Variants in PCBP3 observed in about 807,000 individuals in gnomAD.
PCBP3 encodes the protein poly(rC) binding protein 3.
In PCBP3, 25 loss-of-function variants were observed where a neutral mutation model predicts 52.7. The observed-to-expected ratio is 0.47, with a 90% CI of 0.35 to 0.66. PCBP3 has a LOEUF of 0.66. Ranked by LOEUF, PCBP3 falls within the 30% of genes least tolerant of loss-of-function variation. The pLI is 0.01. For missense variants in PCBP3, 391 were observed against 490.3 expected (o/e 0.80, Z 1.91); for synonymous variants, 162 against 183.0 (o/e 0.89, Z 0.93).
chr21:45,815,001 T>TGGTGAGG, intron 4 of PCBP3, among the ~76,000 whole-genome samples: 1 of 106,792 alleles, frequency 9.4e-6, no homozygotes, highest in Admixed American at 9.0e-5. Flanking sequence ...GAGTGGTGAG[T>TGGTGAGG]GAGTGGTGAG....
intron 5 of PCBP3, chr21:45,858,821 C>T (rs2094403209): frequency 6.6e-6 from 1 of 152,184 alleles, no homozygotes; most frequent in African/African-American, 2.4e-5. Context: ...GTAAGTGAAT[C>T]ATGGGGGCGG....
At chr21:45,803,014 T>C (rs2092364570) in intron 4 of PCBP3, among the ~76,000 whole-genome samples, 1 of 152,270 alleles carries the variant, frequency 6.6e-6, no homozygotes, top group South Asian at 2.1e-4. Flanking sequence ...ACAGTCATAA[T>C]TTGAAAACAA....
At chr21:45,796,968 T>G (rs1303596846) in intron 4 of PCBP3, among the ~76,000 whole-genome samples, 1 of 152,220 alleles carries the variant, frequency 6.6e-6, no homozygotes, top group African/African-American at 2.4e-5. Context: ...ATCAATGAAT[T>G]TGTAATGTGT....
At chr21:45,831,174 C>G (rs1031448895) in intron 4 of PCBP3, 1 of 152,294 alleles carries the variant, frequency 6.6e-6, no homozygotes, top group Non-Finnish European at 1.5e-5. Flanking sequence ...AGGTGTCTGT[C>G]CAGGCCATGA....
At chr21:45,705,548 C>A (rs1391735826) in intron 2 of PCBP3, among the ~76,000 whole-genome samples, 1 of 152,188 alleles carries the variant, frequency 6.6e-6, no homozygotes, top group Non-Finnish European at 1.5e-5. Context: ...CTGGCTTGAC[C>A]TGCTTAAGGC....
In PCBP3 at chr21:45,853,056, G is replaced by A. The variant is rs545653232; in HGVS notation, c.10+2961G>A. Among the ~76,000 whole-genome samples the A allele has an allele frequency of 1.3e-5, 2 of 152,332 alleles. No individual in the cohort carries two copies. Among genetic ancestry groups the A allele is most frequent in the Admixed American group, 6.5e-5 (1 of 15,308 alleles). ...ACCAGCAGGAGCGGGCAGTGGACTC[G>A]CACCAGGCATTGGGAGCAGATGCGG... On this transcript the variant is annotated intron_variant, in intron 5 of 17. Coordinates refer to ENST00000681687, the MANE Select transcript of PCBP3 (RefSeq NM_001384156.1). This position sits in a 1 kb window ranked among gnomAD's most constrained non-coding sequence, Gnocchi z 4.6.
intron 2 of PCBP3, among the ~76,000 whole-genome samples, chr21:45,713,192 T>C (rs1459125772): frequency 6.6e-6 from 1 of 152,220 alleles, no homozygotes; most frequent in Non-Finnish European, 1.5e-5. Context: ...AACATGCCAC[T>C]ACTGCTAAAA....
chr21:45,727,585 G>A (rs905831908), intron 2 of PCBP3, among the ~76,000 whole-genome samples: 3 of 152,214 alleles, frequency 2.0e-5, no homozygotes, highest in African/African-American at 7.2e-5. Context: ...TGAGGCAGGG[G>A]GAGCAGGCTT....
intron 1 of PCBP3, among the ~76,000 whole-genome samples, chr21:45,645,315 A>C (rs2079185133): frequency 1.3e-5 from 2 of 152,116 alleles, no homozygotes; most frequent in Admixed American, 6.5e-5. Context: ...GAACTTACGT[A>C]GCTTCACGTA....
intron 16 of PCBP3, among the ~76,000 whole-genome samples, chr21:45,935,741 A>G (rs903002893): frequency 1.1e-4 from 16 of 150,034 alleles, no homozygotes; most frequent in South Asian, 6.2e-4. Flanking sequence ...GCTCCAACAG[A>G]CTTGAAGCTG....
chr21:45,935,346 CA>C, intron 16 of PCBP3, 41 bp downstream of exon 16: 2 of 1,471,212 alleles, frequency 1.4e-6, no homozygotes, highest in Non-Finnish European at 1.9e-6. Context: ...TGGGTAGAAA[CA>C]CCAGGCACAA....
At chr21:45,888,619 C>T (rs2095578802) in intron 5 of PCBP3, among the ~76,000 whole-genome samples, 2 of 152,260 alleles carry the variant, frequency 1.3e-5, no homozygotes, top group Non-Finnish European at 2.9e-5. Context: ...GGCAGCTTTC[C>T]TCCCGCCAGC....
intron 6 of PCBP3, among the ~76,000 whole-genome samples, chr21:45,898,190 C>T (rs908546483): frequency 6.6e-6 from 1 of 152,212 alleles, no homozygotes; most frequent in African/African-American, 2.4e-5. Context: ...CCATCTCCAG[C>T]AGCAGCGGCC....
intron 2 of PCBP3, among the ~76,000 whole-genome samples, chr21:45,693,192 A>C (rs1160392032): frequency 6.6e-6 from 1 of 152,136 alleles, no homozygotes; most frequent in African/African-American, 2.4e-5. Context: ...TCAAAGGTGA[A>C]ATAGTGAACA....
intron 4 of PCBP3, among the ~76,000 whole-genome samples, chr21:45,772,450 C>T (rs2145836543): frequency 6.6e-6 from 1 of 152,216 alleles, no homozygotes. Flanking sequence ...TACATCTTCT[C>T]TATCCATTCA....
chr21:45,702,311 A>G (rs1406641230), intron 2 of PCBP3, among the ~76,000 whole-genome samples: 1 of 152,232 alleles, frequency 6.6e-6, no homozygotes, highest in African/African-American at 2.4e-5. Flanking sequence ...TGAGTTATGA[A>G]GATTTTCCTA....
chr21:45,769,455 C>T (rs1408267414), intron 4 of PCBP3, among the ~76,000 whole-genome samples: 1 of 152,268 alleles, frequency 6.6e-6, no homozygotes, highest in Non-Finnish European at 1.5e-5. Context: ...CCTGTGCGTG[C>T]AGCTGGAGCA....
At chr21:45,707,121 T>C (rs1205768646) in intron 2 of PCBP3, among the ~76,000 whole-genome samples, 1 of 152,180 alleles carries the variant, frequency 6.6e-6, no homozygotes, top group Non-Finnish European at 1.5e-5. Context: ...CTTGGAAATA[T>C]TCCCTGATAG....
chr21:45,895,303 GGGCAGTGTCCA>G (rs1721531776), intron 5 of PCBP3, among the ~76,000 whole-genome samples: 2 of 152,330 alleles, frequency 1.3e-5, no homozygotes, highest in South Asian at 4.2e-4. Flanking sequence ...TTGAATCAAA[GGGCAGTGTCCA>G]GGCAGCTCGA....
Sources: allele counts gnomAD v4.1 joint callset (sites outside exome capture counted in the v4.1 genomes callset), GRCh38; gene constraint gnomAD v4.1.1; non-coding constraint Gnocchi (gnomAD v3.1); transcripts MANE v1.5; gene names NCBI Gene and HGNC (gene_info 2026-07-23, HGNC 2026-07-21).